NAV3: variants seen among roughly 807,000 people sequenced by gnomAD.
NAV3 encodes the protein pore membrane and/or filament interacting like protein 1.
A neutral mutation model predicts 244.7 loss-of-function variants in NAV3; 87 were observed. The observed-to-expected ratio is 0.36, with a 90% CI of 0.30 to 0.42. NAV3 has a LOEUF of 0.42. NAV3 is among the 20% of genes least tolerant of loss of function. The pLI is 1.00. For missense variants in NAV3, 2,663 were observed against 2,893.3 expected, an observed-to-expected ratio of 0.92 and a Z score of 1.83; for synonymous variants, 1,126 against 1,042.2, an observed-to-expected ratio of 1.08 and a Z score of -1.55.
At chr12:78,155,375 A>G (rs1957262437) in intron 22 of NAV3, among the ~76,000 whole-genome samples, 1 of 152,096 alleles carries the variant, frequency 6.6e-6, no homozygotes, top group African/African-American at 2.4e-5. Context: ...ATAGCTGCAT[A>G]GTATTCCATG....
At position 77,666,451 on chromosome 12, in the gene NAV3, A is replaced by G. The variant is rs181540768; in HGVS notation, c.72+94185A>G. 2.0e-3 allele frequency among the ~76,000 whole-genome samples: 311 copies of G among 152,286 alleles called. 2 individuals carry two copies. Among genetic ancestry groups the G allele is most frequent in the African/African-American group, 7.2e-3 (298 of 41,580 alleles). ...TATGAAGAGAGACGCTATTTAATCT[A>G]ATGTCTATTAAATAAAAAGCCAAAT... On this transcript the variant is annotated intron_variant, in intron 2 of 8. Transcript: ENST00000550042.
chr12:77,930,466 T>G (rs1422383424), intron 1 of NAV3, among the ~76,000 whole-genome samples: 1 of 151,776 alleles, frequency 6.6e-6, no homozygotes, highest in Non-Finnish European at 1.5e-5. Context: ...TTCCAACAGA[T>G]CTGTAAAATC....
At chr12:77,747,900 G>T (rs561421376) in intron 2 of NAV3, among the ~76,000 whole-genome samples, 1 of 152,116 alleles carries the variant, frequency 6.6e-6, no homozygotes, top group African/African-American at 2.4e-5. Flanking sequence ...GGGGGATGGG[G>T]GAGGGATAGC....
chr12:77,912,522 A>G (rs981848160), intron 1 of NAV3, among the ~76,000 whole-genome samples: 5 of 152,184 alleles, frequency 3.3e-5, no homozygotes, highest in Non-Finnish European at 5.9e-5. Flanking sequence ...AGTGATCTAC[A>G]TATACACATT....
At chr12:77,658,550 T>A (rs985408662) in intron 2 of NAV3, among the ~76,000 whole-genome samples, 1 of 151,706 alleles carries the variant, frequency 6.6e-6, no homozygotes, top group African/African-American at 2.4e-5. Flanking sequence ...AATGTATAGA[T>A]TCAATGCCAT....
At chr12:78,198,351 A>G (rs1959223385) in intron 35 of NAV3, among the ~76,000 whole-genome samples, 1 of 151,908 alleles carries the variant, frequency 6.6e-6, no homozygotes, top group Non-Finnish European at 1.5e-5. Context: ...TTACTCAAAT[A>G]CTGTAAATTA....
chr12:77,890,406 G>A (rs1331913736), intron 1 of NAV3, among the ~76,000 whole-genome samples: 2 of 152,018 alleles, frequency 1.3e-5, no homozygotes, highest in Non-Finnish European at 1.5e-5. Flanking sequence ...ATGAACCACT[G>A]TACCAGCCTC....
upstream of NAV3, among the ~76,000 whole-genome samples, chr12:77,828,461 G>A (rs967427571): frequency 2.6e-5 from 4 of 152,082 alleles, no homozygotes; most frequent in Non-Finnish European, 5.9e-5. Flanking sequence ...ATTTTAGTAA[G>A]CACTCAGGTC....
chr12:78,161,203 T>G (rs1241783935), intron 23 of NAV3, among the ~76,000 whole-genome samples: 1 of 152,128 alleles, frequency 6.6e-6, no homozygotes, highest in Non-Finnish European at 1.5e-5. Context: ...GGGATGATAA[T>G]GACTACCTTG....
intron 2 of NAV3, among the ~76,000 whole-genome samples, chr12:77,756,865 T>G (rs1565801088): frequency 6.6e-6 from 1 of 152,178 alleles, no homozygotes; most frequent in Admixed American, 6.5e-5. Flanking sequence ...AGATTTTATC[T>G]TTATGCTAAA....
At chr12:77,943,429 A>ATTTTGAAT (rs1197355093) in intron 3 of NAV3, among the ~76,000 whole-genome samples, 1 of 152,222 alleles carries the variant, frequency 6.6e-6, no homozygotes, top group African/African-American at 2.4e-5. Flanking sequence ...ATGTGGTTGA[A>ATTTTGAAT]TTTTGAATCT....
chr12:77,786,018 A>G (rs1040162588), intron 2 of NAV3, among the ~76,000 whole-genome samples: 1 of 151,750 alleles, frequency 6.6e-6, no homozygotes, highest in Non-Finnish European at 1.5e-5. Flanking sequence ...ATTTATAAGA[A>G]TTTTGGCTTG....
At chr12:78,156,928 A>C (rs920627527) in intron 22 of NAV3, among the ~76,000 whole-genome samples, 4 of 152,204 alleles carry the variant, frequency 2.6e-5, no homozygotes, top group African/African-American at 9.6e-5. Context: ...AAGCAAAAGA[A>C]AACCACAAAA....
intron 23 of NAV3, among the ~76,000 whole-genome samples, chr12:78,165,552 A>T (rs1476050447): frequency 6.6e-6 from 1 of 151,890 alleles, no homozygotes; most frequent in Non-Finnish European, 1.5e-5. Flanking sequence ...TTGGGAATTC[A>T]TTTCTAATCA....
intron 2 of NAV3, among the ~76,000 whole-genome samples, chr12:77,696,777 C>T (rs1167379158): frequency 6.6e-6 from 1 of 152,150 alleles, no homozygotes; most frequent in Admixed American, 6.6e-5. Flanking sequence ...TTCCTACTCT[C>T]ATTGTTCACC....
intron 5 of NAV3, 33 bp downstream of exon 5, chr12:77,968,735 T>A (rs558361874): frequency 2.8e-5 from 44 of 1,594,208 alleles, no homozygotes; most frequent in Non-Finnish European, 3.7e-5. Context: ...GTGTTTCCAA[T>A]TAGTTTGTGT....
intron 2 of NAV3, among the ~76,000 whole-genome samples, chr12:77,693,996 A>C (rs944970852): frequency 2.6e-5 from 4 of 152,134 alleles, no homozygotes; most frequent in African/African-American, 9.7e-5. Context: ...GACACCTTGC[A>C]TATTCCTGGG....
At chr12:77,793,521 T>G (rs963080212) in intron 2 of NAV3, among the ~76,000 whole-genome samples, 1 of 152,142 alleles carries the variant, frequency 6.6e-6, no homozygotes, top group Non-Finnish European at 1.5e-5. Flanking sequence ...TCCCTCCCTG[T>G]GTCCATGTGT....
At chr12:77,728,800 T>C (rs1876996464) in intron 2 of NAV3, among the ~76,000 whole-genome samples, 1 of 151,776 alleles carries the variant, frequency 6.6e-6, no homozygotes, top group African/African-American at 2.4e-5. Context: ...CTAGATCTTT[T>C]TCAACAAAAG....
Sources: allele counts gnomAD v4.1 joint callset (sites outside exome capture counted in the v4.1 genomes callset), GRCh38; gene constraint gnomAD v4.1.1; transcripts MANE v1.5; gene names NCBI Gene and HGNC (gene_info 2026-07-23, HGNC 2026-07-21).